Variants in ENOX1 observed in about 807,000 individuals in gnomAD.
ENOX1 encodes the protein ecto-NOX disulfide-thiol exchanger 1.
In ENOX1, 42 loss-of-function variants were observed where a neutral mutation model predicts 82.5. That is an observed-to-expected ratio of 0.51 (90% CI 0.40 to 0.66). The LOEUF (loss-of-function observed/expected upper bound fraction) is 0.66. Ranked by LOEUF, ENOX1 falls within the 30% of genes least tolerant of loss-of-function variation. The pLI, the probability that ENOX1 is intolerant of heterozygous loss-of-function variation, is 0.00. For synonymous variants in ENOX1, 271 were observed against 282.2 expected, an observed-to-expected ratio of 0.96 and a Z score of 0.40; for missense variants, 608 against 811.6, an observed-to-expected ratio of 0.75 and a Z score of 3.05.
chr13:43,295,388 CCAGA>C (rs113693839), intron 12 of ENOX1, among the ~76,000 whole-genome samples: 1 of 152,142 alleles, frequency 6.6e-6, no homozygotes, highest in Non-Finnish European at 1.5e-5. Flanking sequence ...TCGGAAACTT[CCAGA>C]CAAAGTCACC....
intron 12 of ENOX1, among the ~76,000 whole-genome samples, chr13:43,276,975 C>A (rs1260653874): frequency 6.6e-6 from 1 of 152,178 alleles, no homozygotes; most frequent in Non-Finnish European, 1.5e-5. Context: ...ATGAGGGTAT[C>A]CAAGCCTATG....
chr13:43,550,045 G>C (rs1566506430), intron 2 of ENOX1, among the ~76,000 whole-genome samples: 1 of 152,148 alleles, frequency 6.6e-6, no homozygotes, highest in African/African-American at 2.4e-5. Flanking sequence ...CATAAGGAGT[G>C]TGCAACCTAG....
At chr13:43,749,060 G>A (rs982386868) in intron 1 of ENOX1, among the ~76,000 whole-genome samples, 2 of 152,122 alleles carry the variant, frequency 1.3e-5, no homozygotes, top group African/African-American at 4.8e-5. Flanking sequence ...CACAGGTGAA[G>A]CACATTAAAA....
At chr13:43,569,994 GA>G (rs1475973613) in intron 2 of ENOX1, among the ~76,000 whole-genome samples, 1 of 152,156 alleles carries the variant, frequency 6.6e-6, no homozygotes, top group Non-Finnish European at 1.5e-5. Flanking sequence ...TAGTATCTGT[GA>G]ACTGGTTGAG....
chr13:43,227,229 G>A (rs2042067036), intron 15 of ENOX1, among the ~76,000 whole-genome samples: 1 of 152,148 alleles, frequency 6.6e-6, no homozygotes, highest in African/African-American at 2.4e-5. Context: ...GAGTGCCTCT[G>A]TGAAGTTGGC....
chr13:43,458,228 C>T lies in ENOX1; in HGVS notation c.-75+25781G>A, dbSNP rs571829518. ...GTCAGATTGACCTTATTTTAAATCC[C>T]CTGTCTTCCATTTACTAAATAAACT... On this transcript the variant is annotated intron_variant, in intron 3 of 16. Coordinates refer to ENST00000690772, the MANE Select transcript of ENOX1 (RefSeq NM_001347969.2). Among the ~76,000 whole-genome samples, 6 of 152,166 alleles carry T rather than the reference C, an allele frequency of 3.9e-5. No homozygotes were observed. The South Asian group carries it at 1.0e-3, about 26-fold the overall frequency.
intron 9 of ENOX1, among the ~76,000 whole-genome samples, chr13:43,343,988 G>A (rs1317310): frequency 0.21 from 32,507 of 152,042 alleles, 4,387 homozygotes; most frequent in East Asian, 0.58. Flanking sequence ...CACTGGCATT[G>A]AGTAGTTAAG....
rs1453269999 is a variant in ENOX1, at chr13:43,213,867, G to A, written c.*123C>T. On this transcript the variant is annotated 3_prime_UTR_variant, in exon 17 of 17. Coordinates refer to ENST00000690772, the MANE Select transcript of ENOX1 (RefSeq NM_001347969.2). ...GAGAACGCCACAGATATAACTAAAGGCAGGCTTCGATGGCTCCACAAAGGT... is the reference window on the plus strand; with the variant it reads ...GAGAACGCCACAGATATAACTAAAGACAGGCTTCGATGGCTCCACAAAGGT... The A allele has an allele frequency of 1.9e-6, 2 of 1,046,818 alleles. No individual in the cohort carries two copies. The highest frequency in any genetic ancestry group is 1.3e-6 in the Non-Finnish European group (1 of 742,118). 64.8% of individuals were successfully genotyped at this position (1,046,818 alleles called of 1,614,324 possible).
intron 2 of ENOX1, among the ~76,000 whole-genome samples, chr13:43,653,578 G>C (rs568335749): frequency 6.6e-6 from 1 of 151,652 alleles, no homozygotes; most frequent in African/African-American, 2.4e-5. Flanking sequence ...AACCAAAAGA[G>C]CATAACATTA....
chr13:43,775,100 G>A (rs1020251609), intron 1 of ENOX1, among the ~76,000 whole-genome samples: 1 of 151,920 alleles, frequency 6.6e-6, no homozygotes, highest in Admixed American at 6.6e-5. Context: ...CGCCAACCTC[G>A]GCCTCCCAAA....
Position 43,480,347 on chromosome 13 carries a change from A to C in ENOX1, c.-75+3662T>G, listed in dbSNP as rs2058461968. ...GAAGAAACATCAATAGATGATTTTC[A>C]ATGTTCCTTCAACCTATTTGGCCTC... On this transcript the variant is annotated intron_variant, in intron 3 of 16. Coordinates refer to ENST00000690772, the MANE Select transcript of ENOX1 (RefSeq NM_001347969.2). Among the ~76,000 whole-genome samples the C allele has an allele frequency of 1.3e-5, 2 of 152,234 alleles. 1 individual carries two copies. The highest frequency in any genetic ancestry group is 1.3e-4 in the Admixed American group (2 of 15,278).
At chr13:43,623,801 A>G (rs1422154569) in intron 2 of ENOX1, among the ~76,000 whole-genome samples, 5 of 152,168 alleles carry the variant, frequency 3.3e-5, no homozygotes, top group African/African-American at 1.2e-4. Context: ...TGATATGTGT[A>G]TATCATAATT....
intron 5 of ENOX1, among the ~76,000 whole-genome samples, chr13:43,383,792 G>A (rs2052228896): frequency 6.6e-6 from 1 of 152,212 alleles, no homozygotes; most frequent in African/African-American, 2.4e-5. Flanking sequence ...TACAAAGCCA[G>A]TATGTTGCTA....
intron 2 of ENOX1, among the ~76,000 whole-genome samples, chr13:43,570,527 C>T (rs138097036): frequency 7.2e-5 from 11 of 152,146 alleles, no homozygotes; most frequent in African/African-American, 1.9e-4. Flanking sequence ...GAAGGGGTAT[C>T]GATCATGTTA....
At chr13:43,254,727 A>C (rs2043647487) in intron 14 of ENOX1, among the ~76,000 whole-genome samples, 1 of 152,196 alleles carries the variant, frequency 6.6e-6, no homozygotes, top group South Asian at 2.1e-4. Flanking sequence ...CACAGAAAAC[A>C]CAAATGATCC....
chr13:43,725,523 T>G (rs2088883536), intron 1 of ENOX1, among the ~76,000 whole-genome samples: 1 of 152,136 alleles, frequency 6.6e-6, no homozygotes, highest in Non-Finnish European at 1.5e-5. Flanking sequence ...AAGAGCTGGA[T>G]GCATGAATTT....
chr13:43,729,472 TTAACAG>T (rs1448766784), intron 1 of ENOX1, among the ~76,000 whole-genome samples: 1 of 152,214 alleles, frequency 6.6e-6, no homozygotes, highest in Admixed American at 6.5e-5. Flanking sequence ...TGGAAACATC[TTAACAG>T]TAACCCACCA....
intron 3 of ENOX1, among the ~76,000 whole-genome samples, chr13:43,437,648 G>T (rs960199620): frequency 1.3e-5 from 2 of 152,186 alleles, no homozygotes; most frequent in African/African-American, 4.8e-5. Context: ...GATTAGTTAA[G>T]CAATACGCCA....
chr13:43,533,975 G>C (rs2078342544), intron 2 of ENOX1, among the ~76,000 whole-genome samples: 1 of 152,108 alleles, frequency 6.6e-6, no homozygotes, highest in Non-Finnish European at 1.5e-5. Context: ...TGTGAACATT[G>C]ATGCTGTTTA....
Sources: gnomAD v4.1 joint callset for allele counts (sites outside exome capture counted in the v4.1 genomes callset) on GRCh38, gnomAD v4.1.1 for gene constraint, MANE v1.5 for transcripts, NCBI Gene and HGNC (gene_info 2026-07-23, HGNC 2026-07-21) for gene names.